The following ITGA9 variants were observed in gnomAD, a reference collection of about 807,000 sequenced individuals.
The protein encoded by ITGA9 is integrin alpha-9.
ITGA9 carries 56 observed loss-of-function variants against 127.8 expected under a neutral mutation model. That is an observed-to-expected ratio of 0.44 (90% CI 0.35 to 0.55). The LOEUF is 0.55. Ranked by LOEUF, ITGA9 falls within the 20% of genes least tolerant of loss-of-function variation. ITGA9 has a pLI of 0.00. For synonymous variants in ITGA9, 508 were observed against 514.5 expected (o/e 0.99, Z 0.17); for missense variants, 1,196 against 1,347.1 (o/e 0.89, Z 1.76).
chr3:37,778,532 C>T (rs565995547), intron 24 of ITGA9, among the ~76,000 whole-genome samples: 19 of 151,570 alleles, frequency 1.3e-4, no homozygotes, highest in South Asian at 2.1e-4. Context: ...GCAGGAGAAT[C>T]GGTTGAATCA....
At chr3:37,501,365 T>C (rs1698785340) in intron 5 of ITGA9, among the ~76,000 whole-genome samples, 1 of 152,192 alleles carries the variant, frequency 6.6e-6, no homozygotes, top group Non-Finnish European at 1.5e-5. Flanking sequence ...TTTTGTGTTT[T>C]TATGTGATGA....
chr3:37,533,281 A>G, intron 13 of ITGA9, 33 bp from the exon 14 acceptor site: 1 of 1,611,776 alleles, frequency 6.2e-7, no homozygotes. Flanking sequence ...GCTCCTTACC[A>G]CGACTAAGTC....
chr3:37,523,687 T>G, intron 12 of ITGA9, 76 bp downstream of exon 12: 2 of 1,052,894 alleles, frequency 1.9e-6, no homozygotes, highest in Non-Finnish European at 3.0e-6. Flanking sequence ...TCAGTCTGGT[T>G]AGCAATCATC....
chr3:37,582,180 T>A (rs1473502267), intron 15 of ITGA9, among the ~76,000 whole-genome samples: 3 of 152,188 alleles, frequency 2.0e-5, no homozygotes, highest in African/African-American at 7.2e-5. Context: ...ACTCATGAAA[T>A]TATTGTCATG....
intron 25 of ITGA9, among the ~76,000 whole-genome samples, 154 bp from the exon 26 acceptor site, chr3:37,784,823 G>A (rs1447358626): frequency 2.0e-5 from 3 of 152,326 alleles, no homozygotes; most frequent in Admixed American, 6.5e-5. Context: ...CTGTGTTTAT[G>A]TGGGTGCCTG....
At chr3:37,520,297 G>A (rs17036513) in intron 11 of ITGA9, among the ~76,000 whole-genome samples, 51 of 152,200 alleles carry the variant, frequency 3.4e-4, no homozygotes, top group Non-Finnish European at 5.7e-4. Context: ...TTTGGGAGGC[G>A]CTGCGAAGAG....
chr3:37,458,559 A>G (rs999697368), intron 1 of ITGA9, among the ~76,000 whole-genome samples: 1 of 152,234 alleles, frequency 6.6e-6, no homozygotes, highest in Non-Finnish European at 1.5e-5. Flanking sequence ...AGATCCCAAG[A>G]AAGCTGCAGC....
At position 37,779,949 on chromosome 3, in the gene ITGA9, T is replaced by C; in HGVS notation, c.2715T>C (p.Phe905=). ...CTTGCCTAACAGCACACTGTAACTT[T>C]AGTGCTCTTGCTAAAGAAGAAAGTC... is the stretch of plus-strand genomic sequence containing the variant. ...GISCLTAHCN[F]SALAKEESRT... Residue 905 remains phenylalanine (F), a synonymous_variant, in exon 25 of 28, where the codon TTT becomes TTC. Transcript: ENST00000264741. The C allele has an allele frequency of 6.2e-7, 1 of 1,613,726 alleles. No homozygotes were observed. The highest frequency in any genetic ancestry group is 8.5e-7 in the Non-Finnish European group (1 of 1,179,578).
chr3:37,605,764 G>A (rs1250363959), intron 15 of ITGA9, among the ~76,000 whole-genome samples: 4 of 152,160 alleles, frequency 2.6e-5, no homozygotes, highest in Non-Finnish European at 5.9e-5. Context: ...ATTACAGTCC[G>A]AGACTAAAAA....
At chr3:37,481,132 A>G (rs971428998) in intron 3 of ITGA9, among the ~76,000 whole-genome samples, 2 of 151,796 alleles carry the variant, frequency 1.3e-5, no homozygotes, top group African/African-American at 2.4e-5. Context: ...TCCTCCCAGA[A>G]CCCTCTTCCC....
intron 8 of ITGA9, among the ~76,000 whole-genome samples, chr3:37,509,938 A>C (rs1698884440): frequency 6.6e-6 from 1 of 152,198 alleles, no homozygotes; most frequent in African/African-American, 2.4e-5. Flanking sequence ...AGAAGATAAC[A>C]AATGGGTGAA....
intron 15 of ITGA9, among the ~76,000 whole-genome samples, chr3:37,562,746 C>G (rs1485211413): frequency 6.6e-6 from 1 of 152,192 alleles, no homozygotes; most frequent in Non-Finnish European, 1.5e-5. Context: ...ATTTGTTCCT[C>G]TTTCATCCTA....
intron 23 of ITGA9, among the ~76,000 whole-genome samples, chr3:37,752,676 G>A (rs551297323): frequency 6.6e-6 from 1 of 152,320 alleles, no homozygotes; most frequent in South Asian, 2.1e-4. Flanking sequence ...GGACCCACGT[G>A]TGGCACAGTT....
At chr3:37,555,901 G>C (rs555879988) in intron 15 of ITGA9, among the ~76,000 whole-genome samples, 2 of 152,328 alleles carry the variant, frequency 1.3e-5, no homozygotes, top group South Asian at 4.1e-4. Flanking sequence ...GATGTTTTCT[G>C]TTTTCAGTGG....
chr3:37,453,127 C>G (rs1057077288), intron 1 of ITGA9, among the ~76,000 whole-genome samples: 33 of 151,352 alleles, frequency 2.2e-4, no homozygotes, highest in Non-Finnish European at 2.5e-4. Flanking sequence ...CCCCCCCCCC[C>G]CCCAGCTCCT....
chr3:37,509,463 C>T (rs577486093), intron 8 of ITGA9, among the ~76,000 whole-genome samples: 1 of 152,000 alleles, frequency 6.6e-6, no homozygotes, highest in Non-Finnish European at 1.5e-5. Context: ...TTAGTGGGAT[C>T]TGGGAAGAAG....
At chr3:37,630,920 A>T (rs1700224871) in intron 16 of ITGA9, among the ~76,000 whole-genome samples, 1 of 152,126 alleles carries the variant, frequency 6.6e-6, no homozygotes, top group African/African-American at 2.4e-5. Flanking sequence ...GCTAGAGAAG[A>T]GTAGAAGATA....
chr3:37,723,212 A>G (rs990625836), intron 18 of ITGA9, among the ~76,000 whole-genome samples: 7 of 152,176 alleles, frequency 4.6e-5, no homozygotes, highest in Non-Finnish European at 5.9e-5. Context: ...TGTATCCTAA[A>G]GTTCCTATTA....
intron 22 of ITGA9, chr3:37,748,931 G>A (rs975353152): frequency 1.4e-6 from 1 of 714,832 alleles, no homozygotes; most frequent in African/African-American, 1.8e-5. Flanking sequence ...AAAGACCTCT[G>A]GACTGTTTAA....
Sources: allele counts gnomAD v4.1 joint callset (sites outside exome capture counted in the v4.1 genomes callset), GRCh38; gene constraint gnomAD v4.1.1; transcripts MANE v1.5; gene names NCBI Gene and HGNC (gene_info 2026-07-23, HGNC 2026-07-21).